ACACA: variants seen among roughly 807,000 people sequenced by gnomAD.
ACACA encodes acetyl-CoA carboxylase alpha.
Under a neutral mutation model 296.1 loss-of-function variants are expected in ACACA, and 103 were observed. That is an observed-to-expected ratio of 0.35 (90% CI 0.30 to 0.41). The LOEUF (loss-of-function observed/expected upper bound fraction) is 0.41, where lower values mean the gene tolerates loss of function less well. Ranked by LOEUF, ACACA falls within the 10% of genes least tolerant of loss-of-function variation. ACACA has a pLI of 1.00. For missense variants in ACACA, 1,554 were observed against 2,989.7 expected (o/e 0.52, Z 11.20); for synonymous variants, 953 against 1,038.6 (o/e 0.92, Z 1.58).
rs1025773472 is a variant in ACACA at position 37,128,958 on chromosome 17, T to G, written c.5944+407A>C. ...TACACTGAAGGGTCTCAAAGACGTG[T>G]GCTAAAACGAAACTGATTAATCTCT... On this transcript the variant is annotated intron_variant, in intron 47 of 55. Coordinates refer to ENST00000616317, the MANE Select transcript of ACACA (RefSeq NM_198834.3). Among the ~76,000 whole-genome samples the G allele has an allele frequency of 4.6e-5, 7 of 152,312 alleles. No homozygotes were observed. The South Asian group carries it at 1.4e-3, about 32-fold the overall frequency.
At chr17:37,121,229 G>A in intron 50 of ACACA, 126 bp downstream of exon 50, 1 of 1,256,808 alleles carries the variant, frequency 8.0e-7, no homozygotes, top group Non-Finnish European at 1.2e-6. Context: ...TCTCAGAGAG[G>A]GCAGAATCCC....
chr17:37,129,583 G>C, intron 46 of ACACA, 98 bp from the exon 47 acceptor site: 1 of 1,489,230 alleles, frequency 6.7e-7, no homozygotes, highest in Non-Finnish European at 9.2e-7. Flanking sequence ...CAGGGCCCAC[G>C]TATGGAATTG....
At chr17:37,099,575 G>GGGAGGGCTGAGGGAT (rs2073222369) in intron 52 of ACACA, among the ~76,000 whole-genome samples, 1 of 88,130 alleles carries the variant, frequency 1.1e-5, no homozygotes, top group African/African-American at 6.3e-5. Flanking sequence ...GGCTGATGGC[G>GGGAGGGCTGAGGGAT]GGAGGGCTGA....
chr17:37,186,001 C>T (rs1471852530), intron 39 of ACACA, among the ~76,000 whole-genome samples: 1 of 152,172 alleles, frequency 6.6e-6, no homozygotes, highest in Non-Finnish European at 1.5e-5. Context: ...AAAGACTGTA[C>T]AAGGAAAATG....
At chr17:37,131,949 T>C (rs1683628978) in intron 45 of ACACA, among the ~76,000 whole-genome samples, 1 of 152,102 alleles carries the variant, frequency 6.6e-6, no homozygotes, top group Non-Finnish European at 1.5e-5. Flanking sequence ...ACCACTGAGC[T>C]CCCATCCGCC....
intron 10 of ACACA, among the ~76,000 whole-genome samples, chr17:37,265,423 G>A (rs1036744704): frequency 9.2e-5 from 14 of 152,068 alleles, no homozygotes; most frequent in African/African-American, 2.9e-4. Context: ...TGGGCTTGAC[G>A]TCCATTTTCT....
rs968216487 is a variant in ACACA at position 37,101,748 on chromosome 17, C to T, written c.6566-3764G>A. On this transcript the variant is annotated intron_variant, in intron 52 of 55. Transcript: ENST00000616317. ...ACCAGGACAATGTCTCCAATAGTTC[C>T]CATTCAGATGCAATTTCCTAGGCAG... is the stretch of plus-strand genomic sequence containing the variant. Among the ~76,000 whole-genome samples, 6 of 152,272 alleles carry T rather than the reference C, an allele frequency of 3.9e-5. 1 individual carries two copies. Among genetic ancestry groups the T allele is most frequent in the East Asian group, 3.9e-4 (2 of 5,188 alleles).
chr17:37,334,005 A>G (rs1431863897), intron 2 of ACACA, among the ~76,000 whole-genome samples: 1 of 151,896 alleles, frequency 6.6e-6, no homozygotes, highest in African/African-American at 2.4e-5. Context: ...CCTGCTTTCA[A>G]GGCTACAGTA....
intron 3 of ACACA, among the ~76,000 whole-genome samples, chr17:37,313,952 G>T (rs541651091): frequency 6.6e-6 from 1 of 151,968 alleles, no homozygotes; most frequent in Non-Finnish European, 1.5e-5. Context: ...TGGAATCAAC[G>T]TAAGGGTCCA....
intron 3 of ACACA, among the ~76,000 whole-genome samples, chr17:37,291,229 A>G (rs1156538293): frequency 4.7e-5 from 7 of 149,162 alleles, no homozygotes; most frequent in African/African-American, 1.5e-4. Context: ...AGGCTGGAGT[A>G]CAATGGTGCA....
At position 37,259,474 on chromosome 17, in the gene ACACA, G is replaced by A; in HGVS notation, c.1386C>T (p.Tyr462=). 1 of 1,614,144 alleles carries A rather than the reference G, an allele frequency of 6.2e-7. No individual in the cohort carries two copies. The highest frequency in any genetic ancestry group is 1.1e-5 in the South Asian group (1 of 91,080). Reference sequence around the variant, plus strand: ...AGAAGCTGCCATCCTGGCTGTACAGGTATTCCACAGTCCCAGCACTCACAT... The same window carrying A: ...AGAAGCTGCCATCCTGGCTGTACAGATATTCCACAGTCCCAGCACTCACAT... The part of the protein sequence containing the change: ...VGYVSAGTVE[Y]LYSQDGSFYF... The change falls in exon 12 of 56, where the codon TAC becomes TAT. Residue 462 remains tyrosine, a synonymous_variant. Transcript: ENST00000616317.
chr17:37,334,829 GC>G (rs1406333910), intron 2 of ACACA, among the ~76,000 whole-genome samples: 2 of 151,990 alleles, frequency 1.3e-5, no homozygotes, highest in East Asian at 1.9e-4. Flanking sequence ...AAATATTGAT[GC>G]CCCATTGTAT....
intron 33 of ACACA, among the ~76,000 whole-genome samples, chr17:37,205,105 C>A (rs1359160550): frequency 6.6e-6 from 1 of 152,132 alleles, no homozygotes; most frequent in Non-Finnish European, 1.5e-5. Flanking sequence ...GAAAAACTAA[C>A]AGACCTTGGT....
intron 3 of ACACA, among the ~76,000 whole-genome samples, chr17:37,286,238 A>G (rs1451546129): frequency 6.6e-6 from 1 of 152,172 alleles, no homozygotes; most frequent in African/African-American, 2.4e-5. Context: ...CAGTGTTTCT[A>G]ACAATCAATG....
At chr17:37,227,094 A>G (rs1368809105) in intron 25 of ACACA, among the ~76,000 whole-genome samples, 2 of 152,150 alleles carry the variant, frequency 1.3e-5, no homozygotes, top group Non-Finnish European at 2.9e-5. Flanking sequence ...GAATTAGAGG[A>G]AAAAAACAGG....
At chr17:37,269,928 G>C (rs1366132061) in intron 10 of ACACA, among the ~76,000 whole-genome samples, 1 of 152,084 alleles carries the variant, frequency 6.6e-6, no homozygotes, top group Non-Finnish European at 1.5e-5. Context: ...ACTATGTATT[G>C]GTAGGAGGAA....
intron 54 of ACACA, among the ~76,000 whole-genome samples, chr17:37,091,461 T>G (rs1271121472): frequency 2.0e-5 from 3 of 152,212 alleles, no homozygotes; most frequent in Admixed American, 1.3e-4. Context: ...AACAAACTTA[T>G]GTAAGCATAG....
chr17:37,334,261 T>A (rs1168080999), intron 2 of ACACA, among the ~76,000 whole-genome samples: 2 of 152,042 alleles, frequency 1.3e-5, no homozygotes, highest in Non-Finnish European at 2.9e-5. Context: ...TCCTAACCAA[T>A]GAACTTGGGC....
At chr17:37,129,341 T>A (rs746473173) in intron 47 of ACACA, 24 bp downstream of exon 47, 2 of 1,613,922 alleles carry the variant, frequency 1.2e-6, no homozygotes. Context: ...CCAGGTACCA[T>A]GGGGTCCTCA....
Sources: gnomAD v4.1 joint callset for allele counts (sites outside exome capture counted in the v4.1 genomes callset) on GRCh38, gnomAD v4.1.1 for gene constraint, MANE v1.5 for transcripts, NCBI Gene and HGNC (gene_info 2026-07-23, HGNC 2026-07-21) for gene names.